FAAH2: variants seen among roughly 807,000 people sequenced by gnomAD.
FAAH2 encodes fatty-acid amide hydrolase 2.
A neutral mutation model predicts 36.9 loss-of-function variants in FAAH2; 60 were observed. The observed-to-expected ratio is 1.63, with a 90% CI of 1.32 to 2.02. The LOEUF (loss-of-function observed/expected upper bound fraction) is 2.02, where lower values mean the gene tolerates loss of function less well. Among genes scored for constraint, FAAH2 ranks in the 30% most tolerant of loss-of-function variants. The probability of loss-of-function intolerance (pLI) is 0.00; values close to 1 mark genes in which losing one functional copy is unlikely to be tolerated. For missense variants in FAAH2, 689 were observed against 397.5 expected, an observed-to-expected ratio of 1.73 and a Z score of -6.23; for synonymous variants, 214 against 143.8, an observed-to-expected ratio of 1.49 and a Z score of -3.49.
chrX:57,481,971 G>T (rs760787396), intron 10 of FAAH2, among the ~76,000 whole-genome samples: 1 of 111,730 alleles, frequency 9.0e-6, no homozygotes, highest in Non-Finnish European at 1.9e-5. Flanking sequence ...GAAGAATCTA[G>T]GGATTCAGTC....
At chrX:57,344,790 A>T (rs1350043965) in intron 5 of FAAH2, among the ~76,000 whole-genome samples, 3 of 111,462 alleles carry the variant, frequency 2.7e-5, no homozygotes, top group Non-Finnish European at 5.7e-5. Flanking sequence ...GGTTTTTATC[A>T]TGAAGGAATG....
At chrX:57,327,775 A>G (rs1437791319) in intron 3 of FAAH2, among the ~76,000 whole-genome samples, 1 of 111,139 alleles carries the variant, frequency 9.0e-6, no homozygotes, top group Admixed American at 9.6e-5. Flanking sequence ...CTTCTTTGCC[A>G]TGGGTTCAAA....
chrX:57,137,086 C>T, the FAAH2 span: 104 of 785,103 alleles, frequency 1.3e-4, no homozygotes, highest in African/African-American at 3.7e-4. Flanking sequence ...TACCCCCTTT[C>T]CCTGTCGTCC....
rs5902564 is a variant in FAAH2 at position 57,312,672 on chromosome X, CA to C, written c.412+1956del. On this transcript the variant is annotated intron_variant, in intron 3 of 10. Transcript: ENST00000374900. Reference sequence around the variant, plus strand: ...CTGGGCAACAAGCACAAAACTCCATCAAAAAAAAAAAAATCCTATACAGAAC... The same window carrying C: ...CTGGGCAACAAGCACAAAACTCCATCAAAAAAAAAAAATCCTATACAGAAC... Among the ~76,000 whole-genome samples, 639 of 99,051 alleles carry C rather than the reference CA, an allele frequency of 6.5e-3. 4 individuals are homozygous for C. Among genetic ancestry groups the C allele is most frequent in the African/African-American group, 0.021 (576 of 27,509 alleles). 86.0% of individuals were successfully genotyped at this position (99,051 alleles called of 115,157 possible).
At chrX:57,280,447 AGCTTATGAAACTGTTTTAGGCCCT>A in the FAAH2 span, among the ~76,000 whole-genome samples, 8 of 111,317 alleles carry the variant, frequency 7.2e-5, no homozygotes, top group African/African-American at 2.6e-4. Context: ...ATGTCATATA[AGCTTATGAAACTGTTTTAGGCCCT>A]AGGGAAATGC....
At chrX:57,184,064 G>A in the FAAH2 span, among the ~76,000 whole-genome samples, 2 of 110,699 alleles carry the variant, frequency 1.8e-5, no homozygotes, top group African/African-American at 6.6e-5. Context: ...TGGTCAGACC[G>A]TTCTCTGCTC....
At chrX:57,199,411 A>G in the FAAH2 span, among the ~76,000 whole-genome samples, 1 of 110,430 alleles carries the variant, frequency 9.1e-6, no homozygotes, top group East Asian at 2.9e-4. Flanking sequence ...TCTATTGTTG[A>G]TTTTTAGCTT....
the FAAH2 span, among the ~76,000 whole-genome samples, chrX:57,209,733 G>T: frequency 5.4e-5 from 6 of 111,147 alleles, no homozygotes; most frequent in East Asian, 1.7e-3. Context: ...ACTGTTTCTG[G>T]GTCCAATTCA....
At chrX:57,316,663 C>T (rs1199560505) in intron 3 of FAAH2, among the ~76,000 whole-genome samples, 3 of 110,057 alleles carry the variant, frequency 2.7e-5, no homozygotes, top group Non-Finnish European at 3.8e-5. Flanking sequence ...GGATAACTCA[C>T]TAGCCATGTA....
In FAAH2 at chrX:57,401,896, G is replaced by A. The variant is rs181677478; in HGVS notation, c.996+20867G>A. On this transcript the variant is annotated intron_variant, in intron 7 of 10. Transcript: ENST00000374900. ...CCTAACAAGGGAGTGGGGCTTTCAGGCATAATTAGACAAGCATGTGAAAAG... is the reference window on the plus strand; with the variant it reads ...CCTAACAAGGGAGTGGGGCTTTCAGACATAATTAGACAAGCATGTGAAAAG... 2.7e-5 allele frequency among the ~76,000 whole-genome samples: 3 copies of A among 111,313 alleles called. No homozygotes were observed. In the Admixed American group the frequency reaches 2.9e-4, roughly 11 times the overall value.
At chrX:57,412,888 G>T (rs1173471801) in intron 7 of FAAH2, among the ~76,000 whole-genome samples, 1 of 112,067 alleles carries the variant, frequency 8.9e-6, no homozygotes, top group East Asian at 2.8e-4. Flanking sequence ...AGCATCTGTT[G>T]TTTCCTGACT....
chrX:57,295,294 G>C (rs1312204799), intron 2 of FAAH2, among the ~76,000 whole-genome samples: 6 of 112,290 alleles, frequency 5.3e-5, no homozygotes, highest in Non-Finnish European at 1.1e-4. Context: ...TGGATGAAAG[G>C]CTATTGTTGA....
At chrX:57,309,551 A>G (rs1252882955) in intron 2 of FAAH2, among the ~76,000 whole-genome samples, 1 of 111,512 alleles carries the variant, frequency 9.0e-6, no homozygotes, top group Admixed American at 9.6e-5. Context: ...TTCTGCACCT[A>G]TCAATCCATC....
At chrX:57,288,971 T>G (rs1328208006) in intron 1 of FAAH2, among the ~76,000 whole-genome samples, 2 of 111,186 alleles carry the variant, frequency 1.8e-5, no homozygotes, top group Non-Finnish European at 3.8e-5. Context: ...ATCCCTTAGT[T>G]TCTGACATTT....
At chrX:57,127,981 T>C in the FAAH2 span, among the ~76,000 whole-genome samples, 1 of 112,337 alleles carries the variant, frequency 8.9e-6, no homozygotes, top group African/African-American at 3.2e-5. Flanking sequence ...AATTGTATAA[T>C]ATTTCAAATG....
At chrX:57,467,064 A>G (rs184718158) in intron 10 of FAAH2, among the ~76,000 whole-genome samples, 1 of 111,325 alleles carries the variant, frequency 9.0e-6, no homozygotes, top group African/African-American at 3.3e-5. Context: ...CCCTCACCAC[A>G]TAATTAAGAT....
At chrX:57,391,349 C>A (rs1415721431) in intron 7 of FAAH2, among the ~76,000 whole-genome samples, 1 of 111,044 alleles carries the variant, frequency 9.0e-6, no homozygotes, top group Non-Finnish European at 1.9e-5. Context: ...CTTTTGTTTT[C>A]GTTGCATTTG....
the FAAH2 span, among the ~76,000 whole-genome samples, chrX:57,240,219 T>C: frequency 4.5e-5 from 5 of 111,548 alleles, no homozygotes; most frequent in South Asian, 3.8e-4. Context: ...GTATTTTCTT[T>C]GGTGTCCTTG....
chrX:57,137,404 A>C, the FAAH2 span: 4 of 735,536 alleles, frequency 5.4e-6, no homozygotes, highest in East Asian at 6.2e-4. Context: ...AGAGCACTGC[A>C]GCGGTGTCCC....
Sources: allele counts gnomAD v4.1 joint callset (sites outside exome capture counted in the v4.1 genomes callset), GRCh38; gene constraint gnomAD v4.1.1; transcripts MANE v1.5; gene names NCBI Gene and HGNC (gene_info 2026-07-23, HGNC 2026-07-21).